PELI2: variants seen among roughly 807,000 people sequenced by gnomAD.
PELI2 encodes the protein E3 ubiquitin-protein ligase pellino homolog 2.
In PELI2, 23 loss-of-function variants were observed where a neutral mutation model predicts 42.3. The ratio of observed to expected loss-of-function variants is 0.54; its 90% CI spans 0.39 to 0.77. PELI2 has a LOEUF of 0.77. Among genes scored for constraint, PELI2 ranks in the 30% least tolerant of loss-of-function variants. The pLI, the probability that PELI2 is intolerant of heterozygous loss-of-function variation, is 0.00. For missense variants in PELI2, 463 were observed against 553.2 expected (o/e 0.84, Z 1.64); for synonymous variants, 245 against 212.2 (o/e 1.15, Z -1.34).
At chr14:56,264,764 A>C (rs1031029170) in intron 2 of PELI2, among the ~76,000 whole-genome samples, 6 of 152,238 alleles carry the variant, frequency 3.9e-5, no homozygotes, top group African/African-American at 1.2e-4. Flanking sequence ...AGAAACACAG[A>C]AAACAATTAT....
chr14:56,187,442 T>A (rs1885806337), intron 2 of PELI2, among the ~76,000 whole-genome samples: 1 of 152,174 alleles, frequency 6.6e-6, no homozygotes, highest in Non-Finnish European at 1.5e-5. Context: ...AATGGAGGCT[T>A]GACTTTTAAG....
At chr14:56,275,292 C>G (rs1393673631) in intron 2 of PELI2, among the ~76,000 whole-genome samples, 1 of 152,172 alleles carries the variant, frequency 6.6e-6, no homozygotes, top group Non-Finnish European at 1.5e-5. Context: ...ATTTTGGCAC[C>G]AGGGACCAGT....
At chr14:56,213,086 C>T (rs1357194863) in intron 2 of PELI2, among the ~76,000 whole-genome samples, 1 of 152,194 alleles carries the variant, frequency 6.6e-6, no homozygotes, top group Non-Finnish European at 1.5e-5. Context: ...CTTATGGACT[C>T]AAGCCCATCT....
At chr14:56,265,367 T>G (rs1280008941) in intron 2 of PELI2, among the ~76,000 whole-genome samples, 1 of 152,102 alleles carries the variant, frequency 6.6e-6, no homozygotes, top group African/African-American at 2.4e-5. Context: ...CAAAGGCAAT[T>G]CTGTTGAAAA....
chr14:56,279,127 A>C (rs1889392733), intron 2 of PELI2, among the ~76,000 whole-genome samples: 4 of 152,208 alleles, frequency 2.6e-5, no homozygotes, highest in Non-Finnish European at 4.4e-5. Context: ...CTAGTTGCTT[A>C]TACAAGATTT....
chr14:56,162,264 C>G (rs1884793340), intron 1 of PELI2, among the ~76,000 whole-genome samples: 1 of 152,054 alleles, frequency 6.6e-6, no homozygotes, highest in Admixed American at 6.6e-5. Context: ...CTACCTTCCT[C>G]TTGGCCTTCC....
At chr14:56,241,235 C>CAGAA (rs1887965211) in intron 2 of PELI2, among the ~76,000 whole-genome samples, 1 of 152,004 alleles carries the variant, frequency 6.6e-6, no homozygotes, top group African/African-American at 2.4e-5. Context: ...AGAAAGAACT[C>CAGAA]CTGAAAACTA....
At chr14:56,202,196 T>C (rs1423418702) in intron 2 of PELI2, among the ~76,000 whole-genome samples, 1 of 152,186 alleles carries the variant, frequency 6.6e-6, no homozygotes, top group African/African-American at 2.4e-5. Flanking sequence ...CTTCATTGTT[T>C]TCACCAAATA....
intron 1 of PELI2, among the ~76,000 whole-genome samples, chr14:56,155,939 T>G (rs1360214214): frequency 6.6e-6 from 1 of 152,166 alleles, no homozygotes; most frequent in East Asian, 1.9e-4. Flanking sequence ...TCTGCCTTCT[T>G]TTTCAGCAAT....
At chr14:56,121,185 T>C (rs1883045781) in intron 1 of PELI2, among the ~76,000 whole-genome samples, 1 of 151,834 alleles carries the variant, frequency 6.6e-6, no homozygotes, top group Admixed American at 6.6e-5. Context: ...TCCTGAGATC[T>C]AAAAATGCCT....
At chr14:56,282,491 TG>T (rs1889513267) in intron 3 of PELI2, among the ~76,000 whole-genome samples, 1 of 152,112 alleles carries the variant, frequency 6.6e-6, no homozygotes, top group Non-Finnish European at 1.5e-5. Flanking sequence ...ATGTAGCAGT[TG>T]CCTTTGTGGG....
chr14:56,290,112 T>C (rs1463465110), intron 4 of PELI2, among the ~76,000 whole-genome samples, 156 bp from the exon 5 acceptor site: 2 of 152,236 alleles, frequency 1.3e-5, no homozygotes, highest in African/African-American at 4.8e-5. Flanking sequence ...AAGGATGGCA[T>C]ATGTTATCCT....
intron 2 of PELI2, among the ~76,000 whole-genome samples, chr14:56,188,549 G>A (rs1885851909): frequency 6.6e-6 from 1 of 152,114 alleles, no homozygotes; most frequent in Non-Finnish European, 1.5e-5. Flanking sequence ...TGTATTCAGT[G>A]TGTTAACATT....
At chr14:56,209,363 A>G (rs921767220) in intron 2 of PELI2, among the ~76,000 whole-genome samples, 1 of 152,158 alleles carries the variant, frequency 6.6e-6, no homozygotes, top group South Asian at 2.1e-4. Flanking sequence ...TTATATATGT[A>G]CGTAAAGGAA....
chr14:56,204,810 G>A (rs998695460), intron 2 of PELI2, among the ~76,000 whole-genome samples: 1 of 151,974 alleles, frequency 6.6e-6, no homozygotes, highest in Non-Finnish European at 1.5e-5. Flanking sequence ...CAAGGTGGGT[G>A]GATCATGAGG....
At chr14:56,277,454 G>A (rs1478555458) in intron 2 of PELI2, among the ~76,000 whole-genome samples, 3 of 151,972 alleles carry the variant, frequency 2.0e-5, no homozygotes, top group South Asian at 4.2e-4. Context: ...AGGAAAACAA[G>A]CTCAGGGCTC....
At chr14:56,122,142 TA>T (rs1438492188) in intron 1 of PELI2, among the ~76,000 whole-genome samples, 7 of 152,128 alleles carry the variant, frequency 4.6e-5, no homozygotes, top group African/African-American at 1.7e-4. Context: ...TGAATAGCAT[TA>T]GGGGAAATTC....
At chr14:56,292,293 C>G (rs1889854599) in intron 5 of PELI2, among the ~76,000 whole-genome samples, 5 of 152,166 alleles carry the variant, frequency 3.3e-5, no homozygotes, top group Admixed American at 3.3e-4. Flanking sequence ...TTCTATCAGC[C>G]TGATCTTGGG....
chr14:56,139,383 T>C (rs1354186924), intron 1 of PELI2, among the ~76,000 whole-genome samples: 1 of 152,188 alleles, frequency 6.6e-6, no homozygotes, highest in Non-Finnish European at 1.5e-5. Flanking sequence ...AATTGATTGA[T>C]TTTTATATAT....
Sources: allele counts gnomAD v4.1 joint callset (sites outside exome capture counted in the v4.1 genomes callset), GRCh38; gene constraint gnomAD v4.1.1; transcripts MANE v1.5; gene names NCBI Gene and HGNC (gene_info 2026-07-23, HGNC 2026-07-21).